Variants in PLXNA4 observed in about 807,000 individuals in gnomAD.
PLXNA4 encodes plexin-A4.
Under a neutral mutation model 191.8 loss-of-function variants are expected in PLXNA4, and 44 were observed. The ratio of observed to expected loss-of-function variants is 0.23; its 90% CI spans 0.18 to 0.29. The LOEUF is 0.29. Among genes scored for constraint, PLXNA4 ranks in the 10% least tolerant of loss-of-function variants. The pLI is 1.00. For missense variants in PLXNA4, 1,800 were observed against 2,488.8 expected (o/e 0.72, Z 5.89); for synonymous variants, 1,082 against 1,009.5 (o/e 1.07, Z -1.36).
rs55684832 is a variant in PLXNA4 at position 132,408,448 on chromosome 7, CTTTA to C, written c.1371+80840_1371+80843del. ...TTTTTTAGCTTTGAACACAAAAACA[CTTTA>C]TTTATTTATTTATTTATTTATTTAT... On this transcript the variant is annotated intron_variant, in intron 3 of 31. Coordinates refer to ENST00000321063, the MANE Select transcript of PLXNA4 (RefSeq NM_020911.2). Among the ~76,000 whole-genome samples the C allele has an allele frequency of 6.9e-4, 103 of 149,490 alleles. 1 individual carries two copies. The East Asian group carries it at 0.011, about 16-fold the overall frequency.
In PLXNA4 at chr7:132,360,634, G is replaced by C. The variant is rs559436683; in HGVS notation, c.1372-62412C>G. Among the ~76,000 whole-genome samples, 8 of 152,312 alleles carry C rather than the reference G, an allele frequency of 5.3e-5. No individual in the cohort carries two copies. The South Asian group carries it at 1.0e-3, about 20-fold the overall frequency. On this transcript the variant is annotated intron_variant, in intron 3 of 31. Transcript: ENST00000321063. ...TCGACAACAACAAAAAGATAAAAATGGACCAATTTGGAAGAAGAGGCCCCA... is the reference window on the plus strand; with the variant it reads ...TCGACAACAACAAAAAGATAAAAATCGACCAATTTGGAAGAAGAGGCCCCA...
At chr7:132,171,640 C>G (rs1407868569) in intron 21 of PLXNA4, among the ~76,000 whole-genome samples, 8 of 152,188 alleles carry the variant, frequency 5.3e-5, no homozygotes, top group Non-Finnish European at 1.2e-4. Context: ...GCTGCCCCTT[C>G]TCTGTGTGCA....
intron 1 of PLXNA4, among the ~76,000 whole-genome samples, chr7:132,522,184 G>A (rs918870190): frequency 2.0e-5 from 3 of 152,080 alleles, no homozygotes; most frequent in Non-Finnish European, 4.4e-5. Flanking sequence ...ATGCAGAGGG[G>A]ACAACACCTG....
chr7:132,155,497 G>A (rs1795764646), intron 25 of PLXNA4, among the ~76,000 whole-genome samples: 1 of 152,222 alleles, frequency 6.6e-6, no homozygotes, highest in Admixed American at 6.5e-5. Flanking sequence ...GCACAGAGCT[G>A]GCCACAGGGT....
intron 15 of PLXNA4, among the ~76,000 whole-genome samples, chr7:132,186,406 A>C (rs577537951): frequency 2.6e-5 from 4 of 152,230 alleles, no homozygotes; most frequent in Non-Finnish European, 5.9e-5. Context: ...TCCAAATTGC[A>C]TTCTGGGGTA....
chr7:132,179,497 G>A (rs1032092823), intron 20 of PLXNA4, among the ~76,000 whole-genome samples, 190 bp downstream of exon 20: 1 of 133,502 alleles, frequency 7.5e-6, no homozygotes, highest in African/African-American at 2.9e-5. Flanking sequence ...ACATACAGAT[G>A]TGCACACACA....
chr7:132,599,499 A>G (rs990329214), intron 2 of PLXNA4, among the ~76,000 whole-genome samples: 1 of 152,088 alleles, frequency 6.6e-6, no homozygotes, highest in African/African-American at 2.4e-5. Context: ...ATAACACTCT[A>G]TTTTTAAATA....
chr7:132,142,265 G>A (rs2116549042), intron 29 of PLXNA4, among the ~76,000 whole-genome samples: 1 of 152,288 alleles, frequency 6.6e-6, no homozygotes, highest in African/African-American at 2.4e-5. Flanking sequence ...AGGTGGGAAA[G>A]AGGGCTAGGC....
chr7:132,278,639 C>T (rs373359239), intron 4 of PLXNA4, among the ~76,000 whole-genome samples: 108 of 152,224 alleles, frequency 7.1e-4, no homozygotes, highest in Non-Finnish European at 2.9e-4. Flanking sequence ...GACTTGCCAG[C>T]GGCTGCATGG....
chr7:132,410,343 C>A (rs188985041), intron 3 of PLXNA4, among the ~76,000 whole-genome samples: 247 of 152,318 alleles, frequency 1.6e-3, no homozygotes, highest in African/African-American at 5.5e-3. Flanking sequence ...ACACATAGCA[C>A]CTTCAGAAGG....
intron 3 of PLXNA4, among the ~76,000 whole-genome samples, chr7:132,450,142 C>T (rs1796067079): frequency 6.6e-6 from 1 of 152,202 alleles, no homozygotes; most frequent in African/African-American, 2.4e-5. Flanking sequence ...GGCCATGCAA[C>T]TTGCTCAGGC....
At chr7:132,532,990 G>C in intron 1 of PLXNA4, among the ~76,000 whole-genome samples, 1 of 152,202 alleles carries the variant, frequency 6.6e-6, no homozygotes, top group East Asian at 1.9e-4. Flanking sequence ...GGAATAAGTA[G>C]AGCAATCAGT....
rs553275198 is a variant in PLXNA4 at position 132,180,006 on chromosome 7, C to A, written c.3640-85G>T. On this transcript the variant is annotated intron_variant, in intron 19 of 31. Transcript: ENST00000321063. ...TCCCAAGTTACCCATGAACTAGTGACCAGGGCAGGATGACGGAAAGGAGAC... is the reference window on the plus strand; with the variant it reads ...TCCCAAGTTACCCATGAACTAGTGAACAGGGCAGGATGACGGAAAGGAGAC... 129 of 1,488,290 alleles carry A rather than the reference C, an allele frequency of 8.7e-5. No homozygotes were observed. In the East Asian group the frequency reaches 3.1e-3, roughly 36 times the overall value. 92.2% of individuals were successfully genotyped at this position (1,488,290 alleles called of 1,614,324 possible). A position where few individuals can be genotyped will look rare whatever the true frequency, so the allele number is the denominator to read the frequency against.
intron 3 of PLXNA4, among the ~76,000 whole-genome samples, chr7:132,371,146 T>G (rs1585047008): frequency 6.7e-6 from 1 of 149,198 alleles, no homozygotes; most frequent in Non-Finnish European, 1.5e-5. Flanking sequence ...CGGGTTGGGG[T>G]GGAGAGGGAA....
At chr7:132,484,768 A>G (rs1167965489) in intron 3 of PLXNA4, 3 of 1,609,964 alleles carry the variant, frequency 1.9e-6, no homozygotes, top group Non-Finnish European at 2.5e-6. Flanking sequence ...TTTCTGTGCT[A>G]TGAATATTTA....
At chr7:132,368,056 G>A (rs920469289) in intron 3 of PLXNA4, 3 of 152,136 alleles carry the variant, frequency 2.0e-5, no homozygotes, top group Non-Finnish European at 4.4e-5. Context: ...GGAGCTTTTT[G>A]TGATGACATA....
intron 13 of PLXNA4, among the ~76,000 whole-genome samples, chr7:132,197,491 C>A (rs1220840047): frequency 6.6e-6 from 1 of 152,114 alleles, no homozygotes; most frequent in East Asian, 1.9e-4. Flanking sequence ...TTTTAAAATT[C>A]TCCAAATCAC....
chr7:132,196,770 G>A (rs1797266397), intron 13 of PLXNA4, among the ~76,000 whole-genome samples: 1 of 152,058 alleles, frequency 6.6e-6, no homozygotes, highest in Admixed American at 6.5e-5. Flanking sequence ...TCCTGCACCA[G>A]GCATTAACTT....
At chr7:132,184,122 G>A (rs560287887) in intron 16 of PLXNA4, among the ~76,000 whole-genome samples, 38 of 152,268 alleles carry the variant, frequency 2.5e-4, no homozygotes, top group African/African-American at 7.2e-4. Context: ...GCCTCAGCCC[G>A]GGGAGACCAC....
Sources: gnomAD v4.1 joint callset for allele counts (sites outside exome capture counted in the v4.1 genomes callset) on GRCh38, gnomAD v4.1.1 for gene constraint, MANE v1.5 for transcripts, NCBI Gene and HGNC (gene_info 2026-07-23, HGNC 2026-07-21) for gene names.